The following NOL6 variants were observed in gnomAD, a reference collection of about 807,000 sequenced individuals.
NOL6 encodes the protein nucleolar protein 6.
Under a neutral mutation model 131.7 loss-of-function variants are expected in NOL6, and 33 were observed. That is an observed-to-expected ratio of 0.25 (90% CI 0.19 to 0.33). NOL6 has a LOEUF of 0.33. Among genes scored for constraint, NOL6 ranks in the 10% least tolerant of loss-of-function variants. The probability of loss-of-function intolerance (pLI) is 1.00; values close to 1 mark genes in which losing one functional copy is unlikely to be tolerated. For synonymous variants in NOL6, 580 were observed against 605.7 expected, an observed-to-expected ratio of 0.96 and a Z score of 0.62; for missense variants, 1,297 against 1,494.5, an observed-to-expected ratio of 0.87 and a Z score of 2.18.
Position 33,469,305 on chromosome 9 carries a change from G to A in NOL6, c.764C>T (p.Pro255Leu), listed in dbSNP as rs748252465. The A allele has an allele frequency of 3.1e-5, 50 of 1,614,168 alleles. No homozygotes were observed. Among genetic ancestry groups the A allele is most frequent in the South Asian group, 2.9e-4 (26 of 91,088 alleles). The change falls in exon 6 of 26, where the codon CCG becomes CTG. Residue 255 changes from proline (P) to leucine (L), a missense_variant. Coordinates refer to ENST00000297990, the MANE Select transcript of NOL6 (RefSeq NM_022917.5). The part of the protein sequence containing the change: ...DERLVTVRLH[P>L]CPPPDFFRPC... ...GCGGAAGAAGTCAGGTGGAGGGCAC[G>A]GATGCAGACGTACAGTGACCAGGCG... is the stretch of plus-strand genomic sequence containing the variant.
In NOL6 at chr9:33,469,337, C is replaced by T; in HGVS notation, c.732G>A (p.Lys244=). ...KPSLLLRPRG[K]DERLVTVRLH... is the part of the protein sequence containing the mutation. The stretch of plus-strand genomic sequence containing the variant: ...GACGTACAGTGACCAGGCGCTCATC[C>T]TTTCCTGCCAGAGACAGTGAGTGCT... Residue 244 remains lysine (K), a synonymous_variant, in exon 6 of 26, where the codon AAG becomes AAA. Coordinates refer to ENST00000297990, the MANE Select transcript of NOL6 (RefSeq NM_022917.5). The T allele has an allele frequency of 6.2e-7, 1 of 1,614,042 alleles. No homozygotes were observed. The highest frequency in any genetic ancestry group is 8.5e-7 in the Non-Finnish European group (1 of 1,179,990).
intron 15 of NOL6, 94 bp from the exon 16 acceptor site, chr9:33,466,803 C>G: frequency 6.3e-7 from 1 of 1,575,634 alleles, no homozygotes; most frequent in African/African-American, 1.3e-5. Context: ...GAGCCAGCAC[C>G]GCCGCCTGCT....
In NOL6 at chr9:33,463,927, G is replaced by A. The variant is rs763065768; in HGVS notation, c.2905-7C>T. ...CCACAAGCTGCTGCAGGATCTGCGG[G>A]GTACAGACACATCAGACTGGAACTG... On this transcript the variant is annotated splice_region_variant and splice_polypyrimidine_tract_variant and intron_variant, in intron 22 of 25. Transcript: ENST00000297990. 1.9e-6 allele frequency: 3 copies of A among 1,614,116 alleles called. No homozygotes were observed. The highest frequency in any genetic ancestry group is 2.7e-5 in the African/African-American group (2 of 75,020).
chr9:33,472,044 T>A lies in NOL6; in HGVS notation c.338A>T (p.Asn113Ile). Residue 113 changes from asparagine to isoleucine, a missense_variant, in exon 3 of 26, where the codon AAC becomes ATC. By Grantham distance (149) the Asn-to-Ile change is moderately radical. Coordinates refer to ENST00000297990, the MANE Select transcript of NOL6 (RefSeq NM_022917.5). ...TGAGGGCACCCTCACAACCCGCTGGTTGACCTCCCGTAGGAAGGCATCAAT... is the reference window on the plus strand; with the variant it reads ...TGAGGGCACCCTCACAACCCGCTGGATGACCTCCCGTAGGAAGGCATCAAT... ...DRIDAFLREV[N>I]QRVVRVPSVP... is the part of the protein sequence containing the mutation. 1 of 1,612,980 alleles carries A rather than the reference T, an allele frequency of 6.2e-7. No individual in the cohort carries two copies. The highest frequency in any genetic ancestry group is 8.5e-7 in the Non-Finnish European group (1 of 1,180,002).
Position 33,465,126 on chromosome 9 carries a change from T to A in NOL6, c.2681+81A>T, listed in dbSNP as rs995580257. On this transcript the variant is annotated intron_variant, in intron 20 of 25. Transcript: ENST00000297990. The stretch of plus-strand genomic sequence containing the variant: ...CCACTTGCTCAACCACCCATTCCCA[T>A]GTAGACTTAGGGTGCAGCACGAAGG... 2.0e-5 allele frequency: 31 copies of A among 1,521,168 alleles called. No homozygotes were observed. The Admixed American group carries it at 5.3e-4, about 26-fold the overall frequency. The allele number at this position is 1,521,168 out of a possible 1,614,324, so 94.2% of individuals were successfully genotyped here.
Position 33,464,066 on chromosome 9 carries a change from C to A in NOL6, c.2875G>T (p.Val959Leu), listed in dbSNP as rs375299073. ...GCTGAGGGTCCATCCTGTGTCCACA[C>A]AGAGTTTTTGCGGTCTTGGGGGGTA... ...IVTPQDRKNS[V>L]WTQDGPSAQI... is the part of the protein sequence containing the mutation. The change falls in exon 22 of 26, where the codon GTG (valine) becomes TTG (leucine). Residue 959 changes from valine to leucine, a missense_variant. Coordinates refer to ENST00000297990, the MANE Select transcript of NOL6 (RefSeq NM_022917.5). The A allele has an allele frequency of 3.1e-6, 5 of 1,613,550 alleles. No homozygotes were observed. The highest frequency in any genetic ancestry group is 1.3e-5 in the African/African-American group (1 of 74,874).
chr9:33,469,699 G>A, intron 4 of NOL6, 32 bp from the exon 5 acceptor site: 1 of 1,591,532 alleles, frequency 6.3e-7, no homozygotes, highest in Admixed American at 1.9e-5. Flanking sequence ...AGAAGGCCAG[G>A]CACATAAGTG....
intron 4 of NOL6, 27 bp from the exon 5 acceptor site, chr9:33,469,694 G>T (rs1461944710): frequency 6.3e-7 from 1 of 1,596,544 alleles, no homozygotes; most frequent in Non-Finnish European, 8.5e-7. Context: ...AGAAGAGAAG[G>T]CCAGGCACAT....
intron 18 of NOL6, 60 bp downstream of exon 18, chr9:33,466,011 C>T (rs747267905): frequency 1.2e-5 from 19 of 1,558,770 alleles, no homozygotes; most frequent in Middle Eastern, 1.7e-4. Flanking sequence ...TCTTCTTCCA[C>T]GCCCTGACAT....
chr9:33,464,248 C>T lies in NOL6; in HGVS notation c.2780-87G>A, dbSNP rs151067512. ...CCAGGTCCTCCTACGGTGCCCCCAA[C>T]GGCTGCTCATCACAGGTATTTTTCA... On this transcript the variant is annotated intron_variant, in intron 21 of 25. Transcript: ENST00000297990. 186 of 1,454,442 alleles carry T rather than the reference C, an allele frequency of 1.3e-4. 1 individual carries two copies. In the East Asian group the frequency reaches 3.4e-3, roughly 27 times the overall value. The allele number at this position is 1,454,442 out of a possible 1,614,324, so 90.1% of individuals were successfully genotyped here. A position where few individuals can be genotyped will look rare whatever the true frequency, so the allele number is the denominator to read the frequency against.
At position 33,471,886 on chromosome 9, in the gene NOL6, G is replaced by A. The variant is rs1827419563; in HGVS notation, c.378+118C>T. The stretch of plus-strand genomic sequence containing the variant: ...ACGCTCCCAGCTAAGCTTCCTTGCT[G>A]TGAGAATGAGCTCCCTGCACCCCAA... On this transcript the variant is annotated intron_variant, in intron 3 of 25. Transcript: ENST00000297990. 9.2e-6 allele frequency: 7 copies of A among 763,054 alleles called. No homozygotes were observed. In the East Asian group the frequency reaches 1.5e-4, roughly 16 times the overall value. The allele number at this position is 763,054 out of a possible 1,614,324, so 47.3% of individuals were successfully genotyped here. A position where few individuals can be genotyped will look rare whatever the true frequency, so the allele number is the denominator to read the frequency against.
At position 33,467,938 on chromosome 9, in the gene NOL6, TG is replaced by T; in HGVS notation, c.1425-71del. 6.3e-7 allele frequency: 1 copy of T among 1,598,302 alleles called. No homozygotes were observed. ...CCCCTAGTACCACCTCCTCCCTGAA[TG>T]ATCTGAGCACCTGTCTGAAGACCTT... On this transcript the variant is annotated intron_variant, in intron 11 of 25. Coordinates refer to ENST00000297990, the MANE Select transcript of NOL6 (RefSeq NM_022917.5). The surrounding 1 kb of genome is among the most constrained non-coding windows in gnomAD (Gnocchi z 4.4).
At chr9:33,469,413 C>T in intron 5 of NOL6, 72 bp from the exon 6 acceptor site, 5 of 1,608,332 alleles carry the variant, frequency 3.1e-6, no homozygotes, top group South Asian at 1.1e-5. Flanking sequence ...CCTGTCCCCC[C>T]ATACTTGAGG....
Position 33,469,263 on chromosome 9 carries a change from G to A in NOL6, c.806C>T (p.Pro269Leu). The part of the protein sequence containing the change: ...PDFFRPCRLL[P>L]TKNNVRSAWY... Reference sequence around the variant, plus strand: ...GGCAGAGCGCACATTGTTCTTGGTTGGCAGCAAGCGGCACGGGCGGAAGAA... The same window carrying A: ...GGCAGAGCGCACATTGTTCTTGGTTAGCAGCAAGCGGCACGGGCGGAAGAA... The change falls in exon 6 of 26, where the codon CCA (proline) becomes CTA (leucine). Residue 269 changes from proline (P) to leucine (L), a missense_variant. By Grantham distance (98) the Pro-to-Leu change is moderately conservative (BLOSUM62 -3). Coordinates refer to ENST00000297990, the MANE Select transcript of NOL6 (RefSeq NM_022917.5). 1 of 1,614,220 alleles carries A rather than the reference G, an allele frequency of 6.2e-7. No homozygotes were observed. Among genetic ancestry groups the A allele is most frequent in the East Asian group, 2.2e-5 (1 of 44,878 alleles).
intron 15 of NOL6, 46 bp downstream of exon 15, chr9:33,466,866 A>G (rs779680640): frequency 1.9e-6 from 3 of 1,596,130 alleles, no homozygotes; most frequent in Non-Finnish European, 2.6e-6. Flanking sequence ...CTCTCCCCGC[A>G]GATTGATTAC....
At chr9:33,463,510 A>G (rs1273792152) in intron 23 of NOL6, 69 bp from the exon 24 acceptor site, 12 of 1,401,134 alleles carry the variant, frequency 8.6e-6, no homozygotes, top group Non-Finnish European at 1.2e-5. Flanking sequence ...AAACCTCTCC[A>G]CACGCCCACC....
In NOL6 at chr9:33,466,592, G is replaced by A. The variant is rs1394597981; in HGVS notation, c.2068C>T (p.His690Tyr). The change falls in exon 16 of 26, where the codon CAC becomes TAC. Residue 690 changes from histidine (H) to tyrosine (Y), a missense_variant. Physicochemically the swap from His to Tyr is moderately conservative, Grantham distance 83. Transcript: ENST00000297990. Reference sequence around the variant, plus strand: ...ACCTCTGTGTAGCGCAGCACTGGGTGAGCTCCCTGAACAGCAGACACGGTC... The same window carrying A: ...ACCTCTGTGTAGCGCAGCACTGGGTAAGCTCCCTGAACAGCAGACACGGTC... ...PLTVSAVQGAHPVLRYTEVFP... is the reference protein window; with the variant it reads ...PLTVSAVQGAYPVLRYTEVFP... 1 of 1,614,164 alleles carries A rather than the reference G, an allele frequency of 6.2e-7. No homozygotes were observed. Among genetic ancestry groups the A allele is most frequent in the Non-Finnish European group, 8.5e-7 (1 of 1,180,028 alleles).
rs115548117 is a variant in NOL6, at chr9:33,463,850, C to T, written c.2975G>A (p.Arg992Gln). The change falls in exon 23 of 26, where the codon CGG becomes CAG. Residue 992 changes from arginine to glutamine, a missense_variant. Arg to Gln is a conservative substitution (Grantham distance 43). Transcript: ENST00000297990. ...GCTTACCCTGATGTCCCCAGGTCCC[C>T]GGGGATCCATGAGCTGCTTCTCTAA... ...PMLEKQLMDPRGPGDIRTVFR... is the reference protein window; with the variant it reads ...PMLEKQLMDPQGPGDIRTVFR... 4,138 of 1,614,052 alleles carry T rather than the reference C, an allele frequency of 2.6e-3. 73 individuals carry two copies. The African/African-American group carries it at 0.046, about 18-fold the overall frequency.
Position 33,472,127 on chromosome 9 carries a change from G to C in NOL6, c.262-7C>G. The C allele has an allele frequency of 5.6e-6, 9 of 1,612,856 alleles. No individual in the cohort carries two copies. The highest frequency in any genetic ancestry group is 7.6e-6 in the Non-Finnish European group (9 of 1,178,794). On this transcript the variant is annotated splice_region_variant and splice_polypyrimidine_tract_variant and intron_variant, in intron 2 of 25. Coordinates refer to ENST00000297990, the MANE Select transcript of NOL6 (RefSeq NM_022917.5). ...CCTTTAGTAGCTCCTCTACCTGTAA[G>C]AGAGGGTAGAAGACAGTCCATCAGC... is the stretch of plus-strand genomic sequence containing the variant.
Sources: gnomAD v4.1 joint callset for allele counts on GRCh38, gnomAD v4.1.1 for gene constraint, Gnocchi (gnomAD v3.1) non-coding constraint, MANE v1.5 for transcripts, NCBI Gene and HGNC (gene_info 2026-07-23, HGNC 2026-07-21) for gene names.